The following JAKMIP1 variants were observed in gnomAD, a reference collection of about 807,000 sequenced individuals.
JAKMIP1 encodes the protein janus kinase and microtubule interacting protein 1, also known as janus kinase and microtubule-interacting protein 1.
Under a neutral mutation model 113.0 loss-of-function variants are expected in JAKMIP1, and 33 were observed. The observed-to-expected ratio is 0.29, with a 90% CI of 0.22 to 0.39. The LOEUF (loss-of-function observed/expected upper bound fraction) is 0.39. JAKMIP1 is among the 10% of genes least tolerant of loss of function. The pLI is 1.00. For missense variants in JAKMIP1, 813 were observed against 1,080.5 expected, an observed-to-expected ratio of 0.75 and a Z score of 3.47; for synonymous variants, 480 against 459.9, an observed-to-expected ratio of 1.04 and a Z score of -0.56.
chr4:6,198,956 C>T (rs1241301731), intron 1 of JAKMIP1, among the ~76,000 whole-genome samples: 1 of 152,220 alleles, frequency 6.6e-6, no homozygotes, highest in African/African-American at 2.4e-5. Context: ...GGGAGAGGGG[C>T]TGAGGCTGCC....
intron 1 of JAKMIP1, among the ~76,000 whole-genome samples, chr4:6,148,978 G>A (rs1721218496): frequency 6.6e-6 from 1 of 152,208 alleles, no homozygotes; most frequent in Non-Finnish European, 1.5e-5. Flanking sequence ...TGGCCCAGGT[G>A]CCAAGGTGGT....
intron 19 of JAKMIP1, among the ~76,000 whole-genome samples, chr4:6,034,243 A>G (rs1713109881): frequency 9.1e-6 from 1 of 110,434 alleles, no homozygotes; most frequent in Non-Finnish European, 1.8e-5. Flanking sequence ...CCCCAGTGAG[A>G]CAGGCATTGT....
chr4:6,165,603 A>G (rs796072226), intron 1 of JAKMIP1, among the ~76,000 whole-genome samples: 45 of 152,336 alleles, frequency 3.0e-4, no homozygotes, highest in African/African-American at 1.0e-3. Context: ...GCCCAGCCCT[A>G]AAGTATTTTT....
intron 1 of JAKMIP1, among the ~76,000 whole-genome samples, chr4:6,133,351 C>T (rs866478298): frequency 2.3e-4 from 35 of 152,164 alleles, no homozygotes; most frequent in Non-Finnish European, 3.2e-4. Context: ...CATTTTGTTT[C>T]CATATGAAAA....
At chr4:6,174,630 G>A (rs1374986681) in intron 1 of JAKMIP1, among the ~76,000 whole-genome samples, 1 of 152,118 alleles carries the variant, frequency 6.6e-6, no homozygotes, top group African/African-American at 2.4e-5. Context: ...GCAGCCCTCA[G>A]TTTCCCCATC....
chr4:6,104,923 C>T (rs1422759584), intron 3 of JAKMIP1, among the ~76,000 whole-genome samples: 1 of 152,226 alleles, frequency 6.6e-6, no homozygotes, highest in Non-Finnish European at 1.5e-5. Context: ...GACATCCAAT[C>T]CTCAGCCCGC....
rs902467250 is a variant in JAKMIP1, at chr4:6,106,570, CCT to C, written c.130-605_130-604del. ...TCTCTCTCTCTCTTCCTCTCTCTCT[CCT>C]CTGTTTTATCATGAGGCAGCCAAAG... On this transcript the variant is annotated intron_variant, in intron 2 of 20. Coordinates refer to ENST00000409021, the MANE Select transcript of JAKMIP1 (RefSeq NM_001099433.2). The surrounding 1 kb of genome is among the most constrained non-coding windows in gnomAD (Gnocchi z 5.9). Among the ~76,000 whole-genome samples the C allele has an allele frequency of 5.3e-5, 8 of 152,058 alleles. No individual in the cohort carries two copies. Among genetic ancestry groups the C allele is most frequent in the African/African-American group, 7.3e-5 (3 of 41,378 alleles).
At chr4:6,152,958 T>G (rs1166339767) in intron 1 of JAKMIP1, among the ~76,000 whole-genome samples, 1 of 150,876 alleles carries the variant, frequency 6.6e-6, no homozygotes, top group Non-Finnish European at 1.5e-5. Context: ...GCAACAAGAG[T>G]GAGACTCCGT....
chr4:6,045,691 G>A (rs1010952764), intron 16 of JAKMIP1, among the ~76,000 whole-genome samples: 1 of 152,170 alleles, frequency 6.6e-6, no homozygotes, highest in African/African-American at 2.4e-5. Flanking sequence ...TAACCAACAT[G>A]GAGAAACCCG....
chr4:6,054,251 C>A, intron 12 of JAKMIP1, 103 bp from the exon 13 acceptor site: 1 of 1,132,876 alleles, frequency 8.8e-7, no homozygotes, highest in Admixed American at 1.9e-5. Flanking sequence ...AGACGACTGG[C>A]CACGGAGGCA....
At chr4:6,119,555 A>AAAC (rs201075155) in intron 1 of JAKMIP1, among the ~76,000 whole-genome samples, 1 of 127,698 alleles carries the variant, frequency 7.8e-6, no homozygotes, top group East Asian at 2.3e-4. Flanking sequence ...AAAAACAAAC[A>AAAC]AACAACAACA....
At chr4:6,131,582 T>A (rs1718524774) in intron 1 of JAKMIP1, among the ~76,000 whole-genome samples, 1 of 151,718 alleles carries the variant, frequency 6.6e-6, no homozygotes, top group South Asian at 2.1e-4. Context: ...CTACAAAAAT[T>A]AGCCAGGCAT....
rs984561319 is a variant in JAKMIP1 at position 6,156,684 on chromosome 4, A to G, written c.-148+43569T>C. Among the ~76,000 whole-genome samples the G allele has an allele frequency of 2.0e-5, 3 of 152,030 alleles. No homozygotes were observed. Among genetic ancestry groups the G allele is most frequent in the Non-Finnish European group, 4.4e-5 (3 of 68,030 alleles). ...CTGACAGCATCCGCTGAGATGTGGG[A>G]GCTAAAATATCTCCTTCATTGAAGG... On this transcript the variant is annotated intron_variant, in intron 1 of 20. Transcript: ENST00000409021. This position sits in a 1 kb window ranked among gnomAD's most constrained non-coding sequence, Gnocchi z 5.0.
chr4:6,164,424 A>G (rs552139166), intron 1 of JAKMIP1, among the ~76,000 whole-genome samples: 1 of 152,128 alleles, frequency 6.6e-6, no homozygotes. Context: ...GCTCATTGAC[A>G]AGAGCTCTGA....
At chr4:6,048,494 T>C (rs1177615997) in intron 16 of JAKMIP1, among the ~76,000 whole-genome samples, 1 of 152,244 alleles carries the variant, frequency 6.6e-6, no homozygotes, top group Non-Finnish European at 1.5e-5. Context: ...TAAACACGTT[T>C]ATGAACCATG....
At chr4:6,127,663 G>A (rs1415567938) in intron 1 of JAKMIP1, among the ~76,000 whole-genome samples, 1 of 152,160 alleles carries the variant, frequency 6.6e-6, no homozygotes, top group Non-Finnish European at 1.5e-5. Context: ...ACCTGGGAAG[G>A]CCCCACAGGC....
Position 6,044,455 on chromosome 4 carries a change from C to T in JAKMIP1, c.2029-2228G>A, listed in dbSNP as rs983710524. ...TCGGCCCCCAGTACGGGCTCTGTGC[C>T]AGCCACGGTGGCAGCACCCAGCACC... On this transcript the variant is annotated intron_variant, in intron 16 of 20. Transcript: ENST00000409021. This position sits in a 1 kb window ranked among gnomAD's most constrained non-coding sequence, Gnocchi z 4.4. Among the ~76,000 whole-genome samples, 2 of 143,798 alleles carry T rather than the reference C, an allele frequency of 1.4e-5. No homozygotes were observed. The highest frequency in any genetic ancestry group is 2.5e-5 in the African/African-American group (1 of 39,564). The allele number at this position is 143,798 out of a possible 152,430, so 94.3% of individuals were successfully genotyped here.
intron 18 of JAKMIP1, among the ~76,000 whole-genome samples, chr4:6,039,423 C>T (rs1001823057): frequency 7.2e-5 from 11 of 152,190 alleles, no homozygotes; most frequent in Admixed American, 2.0e-4. Context: ...TATTGCGCTA[C>T]GCTTTGCGGG....
intron 1 of JAKMIP1, among the ~76,000 whole-genome samples, chr4:6,169,360 G>A (rs1724050179): frequency 6.6e-6 from 1 of 152,130 alleles, no homozygotes; most frequent in South Asian, 2.1e-4. Context: ...GACGCAGCAG[G>A]AGGAGTCCAC....
Sources: allele counts gnomAD v4.1 joint callset (sites outside exome capture counted in the v4.1 genomes callset), GRCh38; gene constraint gnomAD v4.1.1; non-coding constraint Gnocchi (gnomAD v3.1); transcripts MANE v1.5; gene names NCBI Gene and HGNC (gene_info 2026-07-23, HGNC 2026-07-21).